PPFIA2: variants seen among roughly 807,000 people sequenced by gnomAD.
The protein encoded by PPFIA2 is liprin-alpha-2.
In PPFIA2, 46 loss-of-function variants were observed where a neutral mutation model predicts 175.5. The ratio of observed to expected loss-of-function variants is 0.26; its 90% CI spans 0.21 to 0.34. The LOEUF is 0.34. Ranked by LOEUF, PPFIA2 falls within the 10% of genes least tolerant of loss-of-function variation. The pLI is 1.00. For missense variants in PPFIA2, 1,179 were observed against 1,506.1 expected, an observed-to-expected ratio of 0.78 and a Z score of 3.60; for synonymous variants, 568 against 511.4, an observed-to-expected ratio of 1.11 and a Z score of -1.49.
Position 81,295,049 on chromosome 12 carries a change from A to G in PPFIA2, c.2725-14T>C, listed in dbSNP as rs1224049359. On this transcript the variant is annotated splice_polypyrimidine_tract_variant and intron_variant, in intron 23 of 32. Coordinates refer to ENST00000549396, the MANE Select transcript of PPFIA2 (RefSeq NM_003625.5). ...TCCCAACCAAAGCTGTTAGATAGGAAAAAATACACTAACAAATTATAATAA... is the reference window on the plus strand; with the variant it reads ...TCCCAACCAAAGCTGTTAGATAGGAGAAAATACACTAACAAATTATAATAA... 1.9e-6 allele frequency: 3 copies of G among 1,608,340 alleles called. No individual in the cohort carries two copies. In the African/African-American group the frequency reaches 4.0e-5, roughly 22 times the overall value.
At chr12:81,669,153 C>T (rs1050351716) in intron 4 of PPFIA2, among the ~76,000 whole-genome samples, 2 of 151,676 alleles carry the variant, frequency 1.3e-5, no homozygotes, top group African/African-American at 2.4e-5. Flanking sequence ...TTAAAGGTTT[C>T]CCTGGGTCCT....
At chr12:81,332,129 T>A (rs1459572908) in intron 21 of PPFIA2, among the ~76,000 whole-genome samples, 1 of 152,010 alleles carries the variant, frequency 6.6e-6, no homozygotes, top group East Asian at 1.9e-4. Context: ...AATCCTTAAC[T>A]CTCACTTCTG....
intron 3 of PPFIA2, among the ~76,000 whole-genome samples, chr12:81,731,608 T>C (rs1481825570): frequency 6.6e-6 from 1 of 151,626 alleles, no homozygotes; most frequent in Non-Finnish European, 1.5e-5. Context: ...AAGGTTGAAA[T>C]AGTATTAAAA....
At chr12:81,492,224 C>T (rs1593900284) in intron 4 of PPFIA2, among the ~76,000 whole-genome samples, 1 of 150,882 alleles carries the variant, frequency 6.6e-6, no homozygotes, top group Non-Finnish European at 1.5e-5. Flanking sequence ...CTCAATTACT[C>T]TTTTTTTTTC....
intron 22 of PPFIA2, among the ~76,000 whole-genome samples, chr12:81,311,742 A>C (rs1363907388): frequency 7.5e-5 from 11 of 147,340 alleles, no homozygotes; most frequent in African/African-American, 2.8e-4. Context: ...CAAAAAAAAA[A>C]AAAAAAAAAA....
At chr12:81,493,820 T>C (rs888342838) in intron 4 of PPFIA2, among the ~76,000 whole-genome samples, 3 of 145,224 alleles carry the variant, frequency 2.1e-5, no homozygotes, top group Admixed American at 7.0e-5. Context: ...ATTTTGAACA[T>C]AGAAACATAG....
chr12:81,492,638 A>T (rs976793314), intron 4 of PPFIA2, among the ~76,000 whole-genome samples: 5 of 152,044 alleles, frequency 3.3e-5, no homozygotes, highest in Non-Finnish European at 7.4e-5. Context: ...ATGACAGAGT[A>T]CTTGAAGCAG....
intron 8 of PPFIA2, among the ~76,000 whole-genome samples, chr12:81,389,884 A>G (rs888183201): frequency 6.6e-6 from 1 of 152,072 alleles, no homozygotes; most frequent in Non-Finnish European, 1.5e-5. Flanking sequence ...CGCAACTATC[A>G]ACATTAGTTA....
At chr12:81,640,424 A>G (rs2064807404) in intron 4 of PPFIA2, among the ~76,000 whole-genome samples, 1 of 152,156 alleles carries the variant, frequency 6.6e-6, no homozygotes, top group Non-Finnish European at 1.5e-5. Flanking sequence ...ATCTAATCAC[A>G]CTTGCCAAAT....
chr12:81,522,063 G>C (rs2063223391), intron 4 of PPFIA2, among the ~76,000 whole-genome samples: 1 of 152,118 alleles, frequency 6.6e-6, no homozygotes. Flanking sequence ...ACATATACTT[G>C]TTCCATAATA....
intron 5 of PPFIA2, among the ~76,000 whole-genome samples, chr12:81,454,574 TG>T (rs1228676156): frequency 1.3e-5 from 2 of 152,248 alleles, no homozygotes; most frequent in African/African-American, 4.8e-5. Flanking sequence ...CAATTCCCAC[TG>T]GAACTTCTAT....
intron 3 of PPFIA2, among the ~76,000 whole-genome samples, chr12:81,703,495 C>A (rs1427887667): frequency 6.6e-6 from 1 of 152,090 alleles, no homozygotes; most frequent in Non-Finnish European, 1.5e-5. Flanking sequence ...TACTGCTGCT[C>A]AACTGTACCA....
intron 4 of PPFIA2, among the ~76,000 whole-genome samples, chr12:81,583,861 G>A (rs1281450796): frequency 6.6e-6 from 1 of 151,870 alleles, no homozygotes; most frequent in African/African-American, 2.4e-5. Context: ...TCAGTTCATG[G>A]CCCATTGGCC....
chr12:81,362,890 T>C (rs1304218522), intron 14 of PPFIA2, 106 bp from the exon 15 acceptor site: 2 of 676,770 alleles, frequency 3.0e-6, no homozygotes, highest in East Asian at 5.6e-5. Flanking sequence ...GAGGATATAT[T>C]TTTATTAAAG....
At position 81,369,187 on chromosome 12, in the gene PPFIA2, T is replaced by C. The variant is rs755783249; in HGVS notation, c.1274A>G (p.Glu425Gly). The C allele has an allele frequency of 6.2e-7, 1 of 1,608,126 alleles. No individual in the cohort carries two copies. The highest frequency in any genetic ancestry group is 1.1e-5 in the South Asian group (1 of 90,752). The change falls in exon 12 of 33, where the codon GAG becomes GGG. Residue 425 changes from glutamate to glycine, a missense_variant. This residue lies in a region of PPFIA2 where 66 missense variants were observed against 129.4 expected (regional missense o/e 0.51). Coordinates refer to ENST00000549396, the MANE Select transcript of PPFIA2 (RefSeq NM_003625.5). ...ACGTTCTTCAATATTTCCATGTCTC[T>C]CTTCAGCCTGTTAAGAAATATGAAG... ...QRIAALTKAE[E>G]RHGNIEERMR... is the part of the protein sequence containing the mutation.
At chr12:81,633,605 G>T (rs929525211) in intron 4 of PPFIA2, among the ~76,000 whole-genome samples, 12 of 151,924 alleles carry the variant, frequency 7.9e-5, no homozygotes, top group Non-Finnish European at 5.9e-5. Flanking sequence ...AGAGGAGCTT[G>T]CCAGGCAGAG....
chr12:81,529,325 T>A (rs2064161284), intron 4 of PPFIA2, among the ~76,000 whole-genome samples: 1 of 152,022 alleles, frequency 6.6e-6, no homozygotes. Context: ...CTGAGTCTAT[T>A]TGCTAATATT....
chr12:81,712,564 T>C (rs891827667), intron 3 of PPFIA2, among the ~76,000 whole-genome samples: 1 of 151,106 alleles, frequency 6.6e-6, no homozygotes, highest in African/African-American at 2.4e-5. Context: ...AGGCTATGTG[T>C]ATAGGTTGCA....
At chr12:81,375,707 G>T in intron 10 of PPFIA2, 89 bp downstream of exon 10, 1 of 1,326,880 alleles carries the variant, frequency 7.5e-7, no homozygotes, top group Non-Finnish European at 1.1e-6. Context: ...TCAAACATCT[G>T]TCAAGAAGTA....
Sources: allele counts gnomAD v4.1 joint callset (sites outside exome capture counted in the v4.1 genomes callset), GRCh38; gene constraint gnomAD v4.1.1; regional missense constraint gnomAD v4.1.1; transcripts MANE v1.5; gene names NCBI Gene and HGNC (gene_info 2026-07-23, HGNC 2026-07-21).